Variants in NXPH2 observed in about 807,000 individuals in gnomAD.
NXPH2 encodes neurexophilin-2.
A neutral mutation model predicts 19.8 loss-of-function variants in NXPH2; 5 were observed. The ratio of observed to expected loss-of-function variants is 0.25; its 90% confidence interval spans 0.13 to 0.53. The LOEUF is 0.53. Among genes scored for constraint, NXPH2 ranks in the 20% least tolerant of loss-of-function variants. NXPH2 has a pLI of 0.96. For synonymous variants in NXPH2, 154 were observed against 127.4 expected, an observed-to-expected ratio of 1.21 and a Z score of -1.41; for missense variants, 289 against 322.8, an observed-to-expected ratio of 0.90 and a Z score of 0.80.
rs11900255 is a variant in NXPH2, at chr2:138,671,865, T to G, written c.52-200A>C. Among the ~76,000 whole-genome samples, 215 of 152,296 alleles carry G rather than the reference T, an allele frequency of 1.4e-3. 1 individual carries two copies. Among genetic ancestry groups the G allele is most frequent in the Admixed American group, 5.6e-3 (86 of 15,298 alleles). On this transcript the variant is annotated intron_variant, in intron 1 of 1. Transcript: ENST00000272641. ...AATGGAAAACTGCGAGTATGAAAAT[T>G]AAAAATGGTGAGGTTAAGAACAAAG...
chr2:138,764,610 C>T lies in NXPH2; in HGVS notation c.51+15581G>A, dbSNP rs141730760. On this transcript the variant is annotated intron_variant, in intron 1 of 1. Coordinates refer to ENST00000272641, the MANE Select transcript of NXPH2 (RefSeq NM_007226.3). ...AGCGCAAATATTTTCAAAAAATGTT[C>T]CCAAGGTTTCTGATATAAATCATAT... Among the ~76,000 whole-genome samples the T allele has an allele frequency of 1.4e-4, 22 of 152,216 alleles. No homozygotes were observed. The East Asian group carries it at 4.0e-3, about 28-fold the overall frequency.
chr2:138,694,282 G>A (rs757007138), intron 1 of NXPH2, among the ~76,000 whole-genome samples: 1 of 152,016 alleles, frequency 6.6e-6, no homozygotes, highest in Non-Finnish European at 1.5e-5. Context: ...ATTTTGCCTC[G>A]GATTTTTCTT....
At chr2:138,693,005 A>T (rs543888683) in intron 1 of NXPH2, among the ~76,000 whole-genome samples, 2 of 152,330 alleles carry the variant, frequency 1.3e-5, no homozygotes, top group Middle Eastern at 6.8e-3. Flanking sequence ...TTAAAAGAAG[A>T]TTCAAACAAG....
At chr2:138,705,201 C>G (rs933910824) in intron 1 of NXPH2, among the ~76,000 whole-genome samples, 1 of 152,060 alleles carries the variant, frequency 6.6e-6, no homozygotes, top group Admixed American at 6.6e-5. Flanking sequence ...TGGCCTCAAG[C>G]AATCTTCCCA....
At chr2:138,726,805 T>C (rs1681367789) in intron 1 of NXPH2, among the ~76,000 whole-genome samples, 1 of 152,166 alleles carries the variant, frequency 6.6e-6, no homozygotes, top group African/African-American at 2.4e-5. Context: ...CTCACAGCAC[T>C]TATTAGAGTG....
At chr2:138,763,655 G>T (rs1186851250) in intron 1 of NXPH2, among the ~76,000 whole-genome samples, 1 of 152,150 alleles carries the variant, frequency 6.6e-6, no homozygotes, top group Non-Finnish European at 1.5e-5. Context: ...TATTTTAGTA[G>T]AGTGCTTTAA....
chr2:138,778,636 C>T (rs1002479252), intron 1 of NXPH2, among the ~76,000 whole-genome samples: 2 of 152,138 alleles, frequency 1.3e-5, no homozygotes, highest in African/African-American at 4.8e-5. Flanking sequence ...ATTCTGAAGA[C>T]CCCACATAAA....
chr2:138,709,134 G>T (rs764210905), intron 1 of NXPH2, among the ~76,000 whole-genome samples: 3 of 152,092 alleles, frequency 2.0e-5, no homozygotes, highest in Non-Finnish European at 2.9e-5. Context: ...GTCCCACAAG[G>T]CTGACTCTGA....
chr2:138,709,093 G>T (rs577618812), intron 1 of NXPH2, among the ~76,000 whole-genome samples: 3 of 152,260 alleles, frequency 2.0e-5, no homozygotes, highest in South Asian at 4.2e-4. Context: ...TGGCAATGGA[G>T]CTAATTCCAA....
chr2:138,720,963 G>T lies in NXPH2; in HGVS notation c.52-49298C>A, dbSNP rs959890515. On this transcript the variant is annotated intron_variant, in intron 1 of 1. Coordinates refer to ENST00000272641, the MANE Select transcript of NXPH2 (RefSeq NM_007226.3). ...GGCAGAGAAGGTAGTATTTAAGAGT[G>T]CCTGCAGTAGAAGAAAGTGTGTAAA... Among the ~76,000 whole-genome samples, 17 of 152,194 alleles carry T rather than the reference G, an allele frequency of 1.1e-4. 1 individual carries two copies. The highest frequency in any genetic ancestry group is 5.9e-4 in the Admixed American group (9 of 15,278).
intron 1 of NXPH2, among the ~76,000 whole-genome samples, 162 bp from the exon 2 acceptor site, chr2:138,671,827 A>C (rs745924624): frequency 1.3e-5 from 2 of 152,248 alleles, no homozygotes; most frequent in Non-Finnish European, 2.9e-5. Flanking sequence ...CAAGATAAGC[A>C]TTTAATTCAA....
chr2:138,708,952 G>A (rs1681056843), intron 1 of NXPH2, among the ~76,000 whole-genome samples: 1 of 152,202 alleles, frequency 6.6e-6, no homozygotes, highest in Non-Finnish European at 1.5e-5. Flanking sequence ...ACAAAAACAA[G>A]TGAGCATTTA....
intron 1 of NXPH2, among the ~76,000 whole-genome samples, chr2:138,761,261 A>G (rs545013455): frequency 6.6e-6 from 1 of 152,130 alleles, no homozygotes; most frequent in African/African-American, 2.4e-5. Context: ...GAAGGGTCCC[A>G]TTGCTAACCC....
intron 1 of NXPH2, among the ~76,000 whole-genome samples, chr2:138,728,274 G>A (rs74267080): frequency 0.15 from 23,165 of 152,106 alleles, 1,950 homozygotes; most frequent in East Asian, 0.24. Context: ...CAAAGAAAGA[G>A]GCTTCACTAG....
chr2:138,716,029 CT>C (rs1298876960), intron 1 of NXPH2, among the ~76,000 whole-genome samples: 1 of 152,078 alleles, frequency 6.6e-6, no homozygotes, highest in Non-Finnish European at 1.5e-5. Flanking sequence ...TCCTTGTTGA[CT>C]TTGTACTTGG....
At chr2:138,739,654 T>C (rs1331133442) in intron 1 of NXPH2, among the ~76,000 whole-genome samples, 1 of 152,132 alleles carries the variant, frequency 6.6e-6, no homozygotes, top group Non-Finnish European at 1.5e-5. Context: ...GACGTTTGAC[T>C]TTCCTCTGCA....
chr2:138,677,618 A>G (rs1404365070), intron 1 of NXPH2, among the ~76,000 whole-genome samples: 1 of 152,212 alleles, frequency 6.6e-6, no homozygotes, highest in African/African-American at 2.4e-5. Flanking sequence ...CATCATAACA[A>G]GCTAAAGTTG....
chr2:138,681,091 G>C (rs1680574510), intron 1 of NXPH2, among the ~76,000 whole-genome samples: 1 of 152,124 alleles, frequency 6.6e-6, no homozygotes, highest in African/African-American at 2.4e-5. Context: ...ATGCAGTCTT[G>C]GGTTCTGAGA....
chr2:138,778,455 G>GA (rs796866872), intron 1 of NXPH2, among the ~76,000 whole-genome samples: 9 of 149,920 alleles, frequency 6.0e-5, no homozygotes, highest in South Asian at 2.1e-4. Context: ...TGGCGGTGTG[G>GA]AAAAAAAAAA....
Sources: gnomAD v4.1 joint callset for allele counts (sites outside exome capture counted in the v4.1 genomes callset) on GRCh38, gnomAD v4.1.1 for gene constraint, MANE v1.5 for transcripts, NCBI Gene and HGNC (gene_info 2026-07-23, HGNC 2026-07-21) for gene names.